The following SH3D19 variants were observed in gnomAD, a reference collection of about 807,000 sequenced individuals.
SH3D19 encodes SH3 domain containing 19, also known as SH3 domain-containing protein 19.
SH3D19 carries 58 observed loss-of-function variants against 112.1 expected under a neutral mutation model. The ratio of observed to expected loss-of-function variants is 0.52; its 90% CI spans 0.42 to 0.64. The LOEUF (loss-of-function observed/expected upper bound fraction) is 0.64. Ranked by LOEUF, SH3D19 falls within the 30% of genes least tolerant of loss-of-function variation. The pLI, the probability that SH3D19 is intolerant of heterozygous loss-of-function variation, is 0.00. For synonymous variants in SH3D19, 391 were observed against 448.5 expected, an observed-to-expected ratio of 0.87 and a Z score of 1.62; for missense variants, 1,090 against 1,263.4, an observed-to-expected ratio of 0.86 and a Z score of 2.08.
chr4:151,245,219 G>A (rs1580316691), intron 1 of SH3D19, among the ~76,000 whole-genome samples: 1 of 151,990 alleles, frequency 6.6e-6, no homozygotes. Flanking sequence ...TGACCTTTCT[G>A]AGTTAAAGCC....
chr4:151,288,511 C>T (rs1775032597), intron 1 of SH3D19, among the ~76,000 whole-genome samples: 1 of 152,056 alleles, frequency 6.6e-6, no homozygotes, highest in African/African-American at 2.4e-5. Context: ...CTTTGGGAGG[C>T]CAAGGCAGGT....
chr4:151,235,730 G>A (rs1039486546), intron 1 of SH3D19, among the ~76,000 whole-genome samples: 2 of 152,188 alleles, frequency 1.3e-5, no homozygotes, highest in South Asian at 2.1e-4. Flanking sequence ...AGGTTGCAGT[G>A]AGCTGAGATT....
chr4:151,265,593 T>TTTA (rs1772726654), intron 1 of SH3D19, among the ~76,000 whole-genome samples: 1 of 140,492 alleles, frequency 7.1e-6, no homozygotes, highest in Admixed American at 7.0e-5. Context: ...TTTTTTTTTT[T>TTTA]AAAGACAGAG....
At chr4:151,219,307 T>G (rs972218172) in intron 2 of SH3D19, among the ~76,000 whole-genome samples, 8 of 152,090 alleles carry the variant, frequency 5.3e-5, no homozygotes, top group Admixed American at 5.2e-4. Context: ...ATCCCCTTTA[T>G]CCCCGATGTC....
chr4:151,174,629 C>A, intron 7 of SH3D19, 41 bp downstream of exon 7: 1 of 1,483,672 alleles, frequency 6.7e-7, no homozygotes, highest in African/African-American at 1.4e-5. Flanking sequence ...AATACCCTAT[C>A]ATGAGTTTAG....
chr4:151,319,285 G>A (rs1168301646), intron 1 of SH3D19, among the ~76,000 whole-genome samples: 1 of 152,294 alleles, frequency 6.6e-6, no homozygotes, highest in South Asian at 2.1e-4. Context: ...CCTGACCTCA[G>A]GTAGTCCACC....
At chr4:151,321,228 T>C (rs570832359) in intron 1 of SH3D19, among the ~76,000 whole-genome samples, 1 of 152,172 alleles carries the variant, frequency 6.6e-6, no homozygotes, top group Non-Finnish European at 1.5e-5. Context: ...TTGATTTGCC[T>C]GGGACTGAGG....
chr4:151,133,852 TG>T (rs1377805129), intron 15 of SH3D19, among the ~76,000 whole-genome samples: 1 of 152,196 alleles, frequency 6.6e-6, no homozygotes, highest in Admixed American at 6.5e-5. Flanking sequence ...TTCTGACATT[TG>T]GAACAATCCT....
Position 151,174,747 on chromosome 4 carries a change from A to G in SH3D19, c.1457T>C (p.Ile486Thr). ...QSKPLVDIDL[I>T]SFDDDVLPTP... is the part of the protein sequence containing the mutation. ...GGGCAAAACATCATCATCAAAGCTG[A>G]TGAGATCGATGTCCACCAAGGGCTT... is the stretch of plus-strand genomic sequence containing the variant. Residue 486 changes from isoleucine (I) to threonine (T), a missense_variant, in exon 7 of 20, where the codon ATC becomes ACC. Ile to Thr is a moderately conservative substitution (Grantham distance 89). Transcript: ENST00000604030. The G allele has an allele frequency of 6.5e-7, 1 of 1,528,570 alleles. No individual in the cohort carries two copies. 94.7% of individuals were successfully genotyped at this position (1,528,570 alleles called of 1,614,324 possible).
chr4:151,321,921 T>G (rs889190504), intron 1 of SH3D19, among the ~76,000 whole-genome samples: 1 of 152,198 alleles, frequency 6.6e-6, no homozygotes, highest in Admixed American at 6.5e-5. Context: ...GGTGGATTAG[T>G]GAGACACCCC....
At chr4:151,143,407 G>T (rs899908609) in intron 12 of SH3D19, among the ~76,000 whole-genome samples, 3 of 152,060 alleles carry the variant, frequency 2.0e-5, no homozygotes, top group Admixed American at 1.3e-4. Flanking sequence ...AACTTGCCCC[G>T]TGGGAGCTAA....
chr4:151,172,117 T>C (rs1759163677), intron 7 of SH3D19, among the ~76,000 whole-genome samples: 2 of 152,208 alleles, frequency 1.3e-5, no homozygotes, highest in Non-Finnish European at 2.9e-5. Context: ...TGTAAGTTTC[T>C]CTTCTTTCTC....
chr4:151,209,720 A>T (rs1765659732), intron 2 of SH3D19, among the ~76,000 whole-genome samples: 1 of 152,200 alleles, frequency 6.6e-6, no homozygotes, highest in Non-Finnish European at 1.5e-5. Flanking sequence ...CCAGATTTCA[A>T]ATACAGGCTT....
At chr4:151,243,720 A>G (rs1201968451) in intron 1 of SH3D19, among the ~76,000 whole-genome samples, 2 of 152,230 alleles carry the variant, frequency 1.3e-5, no homozygotes, top group Admixed American at 1.3e-4. Flanking sequence ...CTATACCGTA[A>G]GTCAAAGCAT....
chr4:151,169,734 A>G (rs1300504134), intron 7 of SH3D19, among the ~76,000 whole-genome samples: 1 of 152,236 alleles, frequency 6.6e-6, no homozygotes, highest in Non-Finnish European at 1.5e-5. Flanking sequence ...TTTAAAGATC[A>G]TAACCTTTGA....
chr4:151,123,786 A>G (rs567701201), intron 19 of SH3D19, among the ~76,000 whole-genome samples: 4 of 152,316 alleles, frequency 2.6e-5, no homozygotes, highest in East Asian at 3.9e-4. Context: ...AGATGCTACA[A>G]TGGTCCCAGA....
rs1300415148 is a variant in SH3D19, at chr4:151,245,407, C to T, written c.113-19321G>A. Among the ~76,000 whole-genome samples the T allele has an allele frequency of 2.0e-5, 3 of 152,224 alleles. No individual in the cohort carries two copies. In the East Asian group the frequency reaches 5.8e-4, roughly 29 times the overall value. On this transcript the variant is annotated intron_variant, in intron 1 of 19. Coordinates refer to ENST00000604030, the MANE Select transcript of SH3D19 (RefSeq NM_001378122.1). ...TAAGGAAAAGGGACTCCTCCCTTAG[C>T]AGCGTGAAGCCTGGATAGAGATGGG...
intron 1 of SH3D19, among the ~76,000 whole-genome samples, chr4:151,236,832 A>G (rs1770094717): frequency 6.6e-6 from 1 of 152,254 alleles, no homozygotes; most frequent in South Asian, 2.1e-4. Flanking sequence ...AAATGCACCA[A>G]TCAACAATCT....
intron 11 of SH3D19, 137 bp downstream of exon 11, chr4:151,147,785 C>T: frequency 9.2e-7 from 1 of 1,086,702 alleles, no homozygotes; most frequent in Non-Finnish European, 1.3e-6. Flanking sequence ...TTATTATGGC[C>T]TACTCATCTA....
Sources: gnomAD v4.1 joint callset for allele counts (sites outside exome capture counted in the v4.1 genomes callset) on GRCh38, gnomAD v4.1.1 for gene constraint, MANE v1.5 for transcripts, NCBI Gene and HGNC (gene_info 2026-07-23, HGNC 2026-07-21) for gene names.